POLA1: variants seen among roughly 807,000 people sequenced by gnomAD.
POLA1 encodes the protein DNA polymerase alpha 1, catalytic subunit.
POLA1 carries 15 observed loss-of-function variants against 124.0 expected under a neutral mutation model. The ratio of observed to expected loss-of-function variants is 0.12; its 90% CI spans 0.08 to 0.19. The LOEUF (loss-of-function observed/expected upper bound fraction) is 0.19, where lower values mean the gene tolerates loss of function less well. POLA1 is among the 10% of genes least tolerant of loss of function. The pLI is 1.00. For synonymous variants in POLA1, 408 were observed against 389.4 expected (o/e 1.05, Z -0.56); for missense variants, 886 against 1,103.4 (o/e 0.80, Z 2.79).
intron 36 of POLA1, 141 bp from the exon 37 acceptor site, chrX:24,995,664 G>A (rs2048597302): frequency 9.9e-6 from 5 of 506,012 alleles, no homozygotes; most frequent in Non-Finnish European, 1.3e-5. Context: ...GGCGGGGGCT[G>A]CATCTGACTG....
rs2047763045 is a variant in POLA1 at position 24,930,679 on chromosome X, G to A, written c.4261+130G>A. 3 of 482,194 alleles carry A rather than the reference G, an allele frequency of 6.2e-6. No individual in the cohort carries two copies. The Admixed American group carries it at 9.5e-5, about 15-fold the overall frequency. 39.7% of individuals were successfully genotyped at this position (482,194 alleles called of 1,213,427 possible). A position where few individuals can be genotyped will look rare whatever the true frequency, so the allele number is the denominator to read the frequency against. ...TCAGAAGCAGGCCGTGGGGGCCTATGTGAACACAGGGATCCCCTGCATGAG... is the reference window on the plus strand; with the variant it reads ...TCAGAAGCAGGCCGTGGGGGCCTATATGAACACAGGGATCCCCTGCATGAG... On this transcript the variant is annotated intron_variant, in intron 36 of 36. Coordinates refer to ENST00000379068, the MANE Select transcript of POLA1 (RefSeq NM_001330360.2).
Position 24,973,758 on chromosome X carries a change from G to A in POLA1, c.4262-22047G>A, listed in dbSNP as rs756699401. Among the ~76,000 whole-genome samples, 23 of 111,562 alleles carry A rather than the reference G, an allele frequency of 2.1e-4. 1 individual carries two copies. In the East Asian group the frequency reaches 5.1e-3, roughly 25 times the overall value. On this transcript the variant is annotated intron_variant, in intron 36 of 36. Coordinates refer to ENST00000379068, the MANE Select transcript of POLA1 (RefSeq NM_001330360.2). ...CTGGGAGCCACTGACTTTCTTTGGC[G>A]ACCATCTACATTGTATTGGTTGCTG... is the stretch of plus-strand genomic sequence containing the variant.
rs57038936 is a variant in POLA1, at chrX:24,951,343, A to ACCCCCCCCC, written c.4261+20801_4261+20809dup. On this transcript the variant is annotated intron_variant, in intron 36 of 36. Coordinates refer to ENST00000379068, the MANE Select transcript of POLA1 (RefSeq NM_001330360.2). The stretch of plus-strand genomic sequence containing the variant: ...ACTCACTTTCTTTAAACACCTCCCT[A>ACCCCCCCCC]CCCCCCCCCCCCCCCACCAAATGCA... Among the ~76,000 whole-genome samples, 11 of 40,953 alleles carry ACCCCCCCCC rather than the reference A, an allele frequency of 2.7e-4. 1 individual carries two copies. The highest frequency in any genetic ancestry group is 5.1e-4 in the Non-Finnish European group (11 of 21,608). 35.6% of individuals were successfully genotyped at this position (40,953 alleles called of 115,157 possible).
intron 4 of POLA1, among the ~76,000 whole-genome samples, chrX:24,712,002 C>G (rs1201001923): frequency 8.9e-6 from 1 of 112,683 alleles, no homozygotes; most frequent in Non-Finnish European, 1.9e-5. Flanking sequence ...TACAGCCTTA[C>G]TAACAGTGTT....
At chrX:24,986,086 C>T (rs186509496) in intron 36 of POLA1, among the ~76,000 whole-genome samples, 8 of 111,592 alleles carry the variant, frequency 7.2e-5, no homozygotes, top group African/African-American at 2.6e-4. Context: ...GCAGGAGAAT[C>T]GCTTGAACCC....
chrX:24,798,364 A>C (rs2045647573), intron 26 of POLA1, among the ~76,000 whole-genome samples: 1 of 110,121 alleles, frequency 9.1e-6, no homozygotes, highest in Admixed American at 9.7e-5. Flanking sequence ...ATGTTCTTCC[A>C]CCTCTGCCAC....
rs926553659 is a variant in POLA1, at chrX:24,840,563, T to C, written c.3737-1089T>C. On this transcript the variant is annotated intron_variant, in intron 32 of 36. Coordinates refer to ENST00000379068, the MANE Select transcript of POLA1 (RefSeq NM_001330360.2). ...CAAATAGGATTTAGGATTCTGTCAC[T>C]GAATTCTGAATGCATCTGTTAGATT... 6.2e-5 allele frequency among the ~76,000 whole-genome samples: 7 copies of C among 112,421 alleles called. 1 individual carries two copies. The Admixed American group carries it at 6.6e-4, about 11-fold the overall frequency.
chrX:24,905,299 C>T (rs1445414000), intron 35 of POLA1, among the ~76,000 whole-genome samples: 1 of 107,654 alleles, frequency 9.3e-6, no homozygotes, highest in Non-Finnish European at 1.9e-5. Context: ...CAACAATTTT[C>T]ATAGGATTGA....
intron 4 of POLA1, among the ~76,000 whole-genome samples, chrX:24,711,548 C>T (rs1929433471): frequency 8.9e-6 from 1 of 111,932 alleles, no homozygotes; most frequent in Non-Finnish European, 1.9e-5. Flanking sequence ...TGGCGTTTTC[C>T]TCAGAGAAAA....
intron 36 of POLA1, among the ~76,000 whole-genome samples, chrX:24,968,996 C>T (rs2048265163): frequency 9.0e-6 from 1 of 111,096 alleles, no homozygotes; most frequent in South Asian, 3.8e-4. Flanking sequence ...ATCACGAGGT[C>T]AGGAGTTCTA....
At chrX:24,835,322 G>T (rs1031480429) in intron 32 of POLA1, among the ~76,000 whole-genome samples, 1 of 110,818 alleles carries the variant, frequency 9.0e-6, no homozygotes, top group Non-Finnish European at 1.9e-5. Flanking sequence ...AGAGTGCTGC[G>T]ATTACAGGCG....
intron 35 of POLA1, among the ~76,000 whole-genome samples, chrX:24,903,541 A>G (rs1468616624): frequency 1.8e-5 from 2 of 112,302 alleles, no homozygotes; most frequent in Non-Finnish European, 3.7e-5. Context: ...AGACCTTTGA[A>G]GCAAAACAAC....
intron 36 of POLA1, among the ~76,000 whole-genome samples, chrX:24,969,653 T>C (rs1456730388): frequency 9.0e-6 from 1 of 111,486 alleles, no homozygotes; most frequent in East Asian, 2.8e-4. Flanking sequence ...TTTTTTTCCT[T>C]CAACTTCTAT....
intron 36 of POLA1, among the ~76,000 whole-genome samples, chrX:24,992,292 T>C (rs749538205): frequency 1.8e-5 from 2 of 111,509 alleles, no homozygotes; most frequent in Non-Finnish European, 3.8e-5. Flanking sequence ...TCACGTTGCA[T>C]TGAGGGAGGG....
chrX:24,766,317 T>C (rs1932902461), intron 26 of POLA1, among the ~76,000 whole-genome samples: 1 of 112,184 alleles, frequency 8.9e-6, no homozygotes, highest in Admixed American at 9.5e-5. Flanking sequence ...GTGAGCTCCA[T>C]TGGGGTAGGC....
intron 35 of POLA1, among the ~76,000 whole-genome samples, chrX:24,925,232 T>G (rs1031725862): frequency 1.8e-5 from 2 of 112,030 alleles, no homozygotes; most frequent in Admixed American, 9.5e-5. Context: ...CTGATTTTCC[T>G]TCATGATTTG....
At chrX:24,960,078 G>A (rs1019451001) in intron 36 of POLA1, among the ~76,000 whole-genome samples, 1 of 111,030 alleles carries the variant, frequency 9.0e-6, no homozygotes, top group African/African-American at 3.3e-5. Flanking sequence ...AAAAACTTTT[G>A]AAACACTGTG....
At chrX:24,846,669 A>G (rs2046481745) in intron 34 of POLA1, among the ~76,000 whole-genome samples, 1 of 112,100 alleles carries the variant, frequency 8.9e-6, no homozygotes, top group Admixed American at 9.5e-5. Flanking sequence ...CACACACAAA[A>G]GGGAGAGAAA....
chrX:24,996,946 G>C lies in POLA1; in HGVS notation c.*996G>C, dbSNP rs1472454424. ...TGTGTTTTTATAAAAGAAAAAGTAT[G>C]TTGTGCCTTCTTCTTAAGAATAAAG... is the stretch of plus-strand genomic sequence containing the variant. On this transcript the variant is annotated 3_prime_UTR_variant, in exon 37 of 37. Coordinates refer to ENST00000379068, the MANE Select transcript of POLA1 (RefSeq NM_001330360.2). 8.9e-6 allele frequency: 1 copy of C among 111,856 alleles called. No individual in the cohort carries two copies. The highest frequency in any genetic ancestry group is 2.8e-4 in the East Asian group (1 of 3,615). The allele number at this position is 111,856 out of a possible 1,213,427, so 9.2% of individuals were successfully genotyped here.
Sources: allele counts gnomAD v4.1 joint callset (sites outside exome capture counted in the v4.1 genomes callset), GRCh38; gene constraint gnomAD v4.1.1; transcripts MANE v1.5; gene names NCBI Gene and HGNC (gene_info 2026-07-23, HGNC 2026-07-21).